Variants in SLC13A5 observed in about 807,000 individuals in gnomAD.
SLC13A5 encodes the protein Na(+)/citrate cotransporter.
SLC13A5 carries 25 observed loss-of-function variants against 56.5 expected under a neutral mutation model. The observed-to-expected ratio is 0.44, with a 90% confidence interval of 0.32 to 0.62. The LOEUF (loss-of-function observed/expected upper bound fraction) is 0.62. Among genes scored for constraint, SLC13A5 ranks in the 20% least tolerant of loss-of-function variants. The probability of loss-of-function intolerance (pLI) is 0.04; values close to 1 mark genes in which losing one functional copy is unlikely to be tolerated. For missense variants in SLC13A5, 649 were observed against 737.8 expected (o/e 0.88, Z 1.39); for synonymous variants, 307 against 301.5 (o/e 1.02, Z -0.19).
chr17:6,693,297 T>G, intron 8 of SLC13A5, 135 bp from the exon 9 acceptor site: 5 of 596,378 alleles, frequency 8.4e-6, no homozygotes, highest in Non-Finnish European at 1.2e-5. Flanking sequence ...GACAATGAGG[T>G]ACCATCTCCT....
chr17:6,695,991 G>A (rs1199151401), intron 6 of SLC13A5, 50 bp from the exon 7 acceptor site: 1 of 1,552,676 alleles, frequency 6.4e-7, no homozygotes, highest in East Asian at 2.3e-5. Flanking sequence ...GTTGGCTCAG[G>A]TGCTGGTCAG....
In SLC13A5 at chr17:6,701,223, C is replaced by T. The variant is rs951395513; in HGVS notation, c.717-97G>A. ...GGAGCAGCAGCTGGGCCCTGAGAGGCGCGCCTGTGTGGAGGCCACATCCTC... is the reference window on the plus strand; with the variant it reads ...GGAGCAGCAGCTGGGCCCTGAGAGGTGCGCCTGTGTGGAGGCCACATCCTC... On this transcript the variant is annotated intron_variant, in intron 5 of 11. Transcript: ENST00000433363. The surrounding 1 kb of genome is among the most constrained non-coding windows in gnomAD (Gnocchi z 4.1). 26 of 1,530,838 alleles carry T rather than the reference C, an allele frequency of 1.7e-5. No individual in the cohort carries two copies. Among genetic ancestry groups the T allele is most frequent in the African/African-American group, 9.6e-5 (7 of 72,964 alleles). 94.8% of individuals were successfully genotyped at this position (1,530,838 alleles called of 1,614,324 possible). A position where few individuals can be genotyped will look rare whatever the true frequency, so the allele number is the denominator to read the frequency against.
chr17:6,693,468 A>C (rs1267885165), intron 8 of SLC13A5: 4 of 222,276 alleles, frequency 1.8e-5, no homozygotes, highest in Non-Finnish European at 2.6e-5. Context: ...GTATTCTATC[A>C]CCCCAGCAAT....
At position 6,707,162 on chromosome 17, in the gene SLC13A5, G is replaced by A; in HGVS notation, c.103-6C>T. On this transcript the variant is annotated splice_polypyrimidine_tract_variant and splice_region_variant and intron_variant, in intron 1 of 11. Transcript: ENST00000433363. ...ACGTAGGCACACCTGACAAACTGAA[G>A]AGACAGTCCTGAGGCCTCAGCGTGT... is the stretch of plus-strand genomic sequence containing the variant. 6.2e-7 allele frequency: 1 copy of A among 1,613,750 alleles called. No homozygotes were observed. The highest frequency in any genetic ancestry group is 2.2e-5 in the East Asian group (1 of 44,872).
chr17:6,692,007 C>A lies in SLC13A5; in HGVS notation c.1275+1037G>T, dbSNP rs1378737563. Among the ~76,000 whole-genome samples, 1 of 152,206 alleles carries A rather than the reference C, an allele frequency of 6.6e-6. No individual in the cohort carries two copies. Among genetic ancestry groups the A allele is most frequent in the Admixed American group, 6.5e-5 (1 of 15,278 alleles). On this transcript the variant is annotated intron_variant, in intron 9 of 11. Coordinates refer to ENST00000433363, the MANE Select transcript of SLC13A5 (RefSeq NM_177550.5). This position sits in a 1 kb window ranked among gnomAD's most constrained non-coding sequence, Gnocchi z 5.5. ...TGAAATGCCCTTTCATATATGTGCC[C>A]CTCCCTAGTCTGTGAAGTCTGCCAC...
intron 6 of SLC13A5, among the ~76,000 whole-genome samples, chr17:6,697,911 G>T (rs184352134): frequency 6.6e-6 from 1 of 152,206 alleles, no homozygotes; most frequent in Non-Finnish European, 1.5e-5. Context: ...CTCCAGGATC[G>T]TTCAGATGAG....
Position 6,701,079 on chromosome 17 carries a change from G to A in SLC13A5, c.764C>T (p.Ala255Val), listed in dbSNP as rs1424151978. The stretch of plus-strand genomic sequence containing the variant: ...CACCAGCATGTTGGGAAAGGCAAAT[G>A]CAAACCAGGAAGCAAAGTTCACGAG... ...KDLVNFASWF[A>V]FAFPNMLVML... Residue 255 changes from alanine to valine, a missense_variant, in exon 6 of 12, where the codon GCA becomes GTA. Physicochemically the swap from Ala to Val is moderately conservative, Grantham distance 64. Transcript: ENST00000433363. This position sits in a 1 kb window ranked among gnomAD's most constrained non-coding sequence, Gnocchi z 4.1. The A allele has an allele frequency of 6.2e-7, 1 of 1,614,204 alleles. No individual in the cohort carries two copies. The highest frequency in any genetic ancestry group is 1.1e-5 in the South Asian group (1 of 91,088).
At position 6,690,978 on chromosome 17, in the gene SLC13A5, C is replaced by T. The variant is rs1444827976; in HGVS notation, c.1276-38G>A. 6 of 1,567,610 alleles carry T rather than the reference C, an allele frequency of 3.8e-6. No individual in the cohort carries two copies. The East Asian group carries it at 1.1e-4, about 29-fold the overall frequency. On this transcript the variant is annotated intron_variant, in intron 9 of 11. Transcript: ENST00000433363. ...AGGAGGGCAGTCATCTCAGCGCTCC[C>T]AGCTTGCAGTTCCTTCAGGGCCAGG...
At chr17:6,699,352 A>G (rs1359793662) in intron 6 of SLC13A5, among the ~76,000 whole-genome samples, 1 of 152,144 alleles carries the variant, frequency 6.6e-6, no homozygotes, top group East Asian at 1.9e-4. Context: ...GTGGCCAGGC[A>G]GCCATGCAAA....
intron 7 of SLC13A5, among the ~76,000 whole-genome samples, 196 bp from the exon 8 acceptor site, chr17:6,694,393 C>T (rs1030063472): frequency 3.9e-5 from 6 of 151,980 alleles, no homozygotes; most frequent in East Asian, 1.9e-4. Flanking sequence ...CTGAGGCGGG[C>T]GGATCACGAG....
intron 4 of SLC13A5, among the ~76,000 whole-genome samples, chr17:6,703,559 G>A (rs1242937821): frequency 6.6e-6 from 1 of 152,198 alleles, no homozygotes; most frequent in Non-Finnish European, 1.5e-5. Context: ...AGGATGAGCA[G>A]GAGTAGCAAG....
At position 6,706,793 on chromosome 17, in the gene SLC13A5, G is replaced by A. The variant is rs199904860; in HGVS notation, c.232-15C>T. On this transcript the variant is annotated splice_polypyrimidine_tract_variant and intron_variant, in intron 2 of 11. Transcript: ENST00000433363. ...TGGACACACACCTGGAGCGTGGCAC[G>A]AAGGCCTCATCAGGACTGTCCCTTG... is the stretch of plus-strand genomic sequence containing the variant. The A allele has an allele frequency of 2.6e-5, 42 of 1,613,738 alleles. No individual in the cohort carries two copies. In the East Asian group the frequency reaches 4.7e-4, roughly 18 times the overall value.
chr17:6,695,838 C>T lies in SLC13A5; in HGVS notation c.943G>A (p.Ala315Thr), dbSNP rs201857984. 118 of 1,614,150 alleles carry T rather than the reference C, an allele frequency of 7.3e-5. No individual in the cohort carries two copies. The highest frequency in any genetic ancestry group is 3.1e-5 in the Non-Finnish European group (36 of 1,180,038). ...AAGCAGATCAGCACGTTGATCTCCG[C>T]GAAGGACAAGGGCCCCAGCTTCCGG... ...EYRKLGPLSF[A>T]EINVLICFFL... The change falls in exon 7 of 12, where the codon GCG becomes ACG. Residue 315 changes from alanine (A) to threonine (T), a missense_variant. By Grantham distance (58) the Ala-to-Thr change is moderately conservative. Transcript: ENST00000433363.
chr17:6,686,459 G>T lies in SLC13A5; in HGVS notation c.1576-121C>A. The T allele has an allele frequency of 2.4e-5, 32 of 1,314,882 alleles. 1 individual carries two copies. Among genetic ancestry groups the T allele is most frequent in the Non-Finnish European group, 3.2e-5 (30 of 949,198 alleles). The allele number at this position is 1,314,882 out of a possible 1,614,324, so 81.5% of individuals were successfully genotyped here. A position where few individuals can be genotyped will look rare whatever the true frequency, so the allele number is the denominator to read the frequency against. The stretch of plus-strand genomic sequence containing the variant: ...CTGTGCCATGCTCTGTCCCTGGCTG[G>T]GGTGTCCCGACCCCCAGGACAGTGC... On this transcript the variant is annotated intron_variant, in intron 11 of 11. Coordinates refer to ENST00000433363, the MANE Select transcript of SLC13A5 (RefSeq NM_177550.5).
At chr17:6,691,096 T>C (rs1214341152) in intron 9 of SLC13A5, among the ~76,000 whole-genome samples, 156 bp from the exon 10 acceptor site, 1 of 152,196 alleles carries the variant, frequency 6.6e-6, no homozygotes, top group Non-Finnish European at 1.5e-5. Flanking sequence ...CCGTCCTCAC[T>C]CTGCTGTCTC....
chr17:6,704,125 C>G, intron 3 of SLC13A5, 69 bp from the exon 4 acceptor site: 3 of 1,521,544 alleles, frequency 2.0e-6, no homozygotes, highest in Non-Finnish European at 2.7e-6. Context: ...TGGGAAGCAA[C>G]TGGGGACTGG....
intron 8 of SLC13A5, 61 bp downstream of exon 8, chr17:6,694,036 G>C: frequency 8.6e-7 from 1 of 1,166,126 alleles, no homozygotes; most frequent in Non-Finnish European, 1.3e-6. Flanking sequence ...GCATCCCATA[G>C]TGACCCTTTG....
In SLC13A5 at chr17:6,701,618, G is replaced by A. The variant is rs1429721749; in HGVS notation, c.717-492C>T. 1.3e-5 allele frequency among the ~76,000 whole-genome samples: 2 copies of A among 152,188 alleles called. No individual in the cohort carries two copies. Among genetic ancestry groups the A allele is most frequent in the Non-Finnish European group, 2.9e-5 (2 of 68,044 alleles). ...CCAGCTAATAGGGAGGCTGAAGCGG[G>A]AGAATCGCTTGAACCCAGGAGGCAG... is the stretch of plus-strand genomic sequence containing the variant. On this transcript the variant is annotated intron_variant, in intron 5 of 11. Coordinates refer to ENST00000433363, the MANE Select transcript of SLC13A5 (RefSeq NM_177550.5). This position sits in a 1 kb window ranked among gnomAD's most constrained non-coding sequence, Gnocchi z 4.1.
At chr17:6,694,254 T>C in intron 7 of SLC13A5, 57 bp from the exon 8 acceptor site, 1 of 1,017,480 alleles carries the variant, frequency 9.8e-7, no homozygotes, top group Non-Finnish European at 1.5e-6. Flanking sequence ...AACAAACCCA[T>C]CACAACTCCG....
Sources: allele counts gnomAD v4.1 joint callset (sites outside exome capture counted in the v4.1 genomes callset), GRCh38; gene constraint gnomAD v4.1.1; non-coding constraint Gnocchi (gnomAD v3.1); transcripts MANE v1.5; gene names NCBI Gene and HGNC (gene_info 2026-07-23, HGNC 2026-07-21).